The following SRGN variants were observed in gnomAD, a reference collection of about 807,000 sequenced individuals.
SRGN encodes the protein serglycin.
A neutral mutation model predicts 9.5 loss-of-function variants in SRGN; 2 were observed. That is an observed-to-expected ratio of 0.21 (90% CI 0.09 to 0.66). SRGN has a LOEUF of 0.66. Ranked by LOEUF, SRGN falls within the 30% of genes least tolerant of loss-of-function variation. The probability of loss-of-function intolerance (pLI) is 0.83; values close to 1 mark genes in which losing one functional copy is unlikely to be tolerated. For synonymous variants in SRGN, 59 were observed against 72.3 expected (o/e 0.82, Z 0.93); for missense variants, 170 against 192.4 (o/e 0.88, Z 0.69).
At chr10:69,098,935 C>T (rs1345792403) in intron 2 of SRGN, 2 of 150,848 alleles carry the variant, frequency 1.3e-5, no homozygotes, top group African/African-American at 4.9e-5. Flanking sequence ...CCAGCCTAGG[C>T]AACAGAGTAA....
At chr10:69,091,915 G>GAAAAGA (rs1840070099) in intron 1 of SRGN, among the ~76,000 whole-genome samples, 1 of 73,700 alleles carries the variant, frequency 1.4e-5, no homozygotes, top group Non-Finnish European at 2.7e-5. Context: ...AAAAGAAAAA[G>GAAAAGA]AAAAGAAAAG....
chr10:69,103,313 G>GGCTGAA (rs1393962151), intron 2 of SRGN, among the ~76,000 whole-genome samples: 1 of 151,542 alleles, frequency 6.6e-6, no homozygotes, highest in Non-Finnish European at 1.5e-5. Flanking sequence ...CACTTTGGGA[G>GGCTGAA]GTGGGTGGTT....
chr10:69,095,389 T>C (rs889094655), intron 1 of SRGN, among the ~76,000 whole-genome samples: 3 of 152,134 alleles, frequency 2.0e-5, no homozygotes, highest in African/African-American at 7.2e-5. Flanking sequence ...ATCTGAATGT[T>C]TTCCATTATT....
At position 69,091,879 on chromosome 10, in the gene SRGN, C is replaced by CAAAAAAAAAAAAAAAAAAAAAAAAAAAA. The variant is rs1177012248; in HGVS notation, c.79+3645_79+3672dup. On this transcript the variant is annotated intron_variant, in intron 1 of 2. Transcript: ENST00000242465. Reference sequence around the variant, plus strand: ...TGGGCGATAGACTGAGACTCTGTCTCAAAAAAAAAAAAAAAAAAAAAAAAA... The same window carrying CAAAAAAAAAAAAAAAAAAAAAAAAAAAA: ...TGGGCGATAGACTGAGACTCTGTCTCAAAAAAAAAAAAAAAAAAAAAAAAAAAAAAAAAAAAAAAAAAAAAAAAAAAAA... Among the ~76,000 whole-genome samples the CAAAAAAAAAAAAAAAAAAAAAAAAAAAA allele has an allele frequency of 8.8e-4, 28 of 31,758 alleles. 1 individual carries two copies. Among genetic ancestry groups the CAAAAAAAAAAAAAAAAAAAAAAAAAAAA allele is most frequent in the South Asian group, 5.4e-3 (3 of 554 alleles). 20.8% of individuals were successfully genotyped at this position (31,758 alleles called of 152,430 possible). A position where few individuals can be genotyped will look rare whatever the true frequency, so the allele number is the denominator to read the frequency against.
rs1186201501 is a variant in SRGN, at chr10:69,103,857, C to T, written c.228-14C>T. 1.2e-6 allele frequency: 2 copies of T among 1,606,096 alleles called. No homozygotes were observed. Among genetic ancestry groups the T allele is most frequent in the Non-Finnish European group, 1.7e-6 (2 of 1,175,620 alleles). On this transcript the variant is annotated splice_polypyrimidine_tract_variant and intron_variant, in intron 2 of 2. Transcript: ENST00000242465. ...CTCCACTGGTTTTTTTCCCATTTTT[C>T]TTTCATACTTCAGAAAGACGAGAAT...
chr10:69,104,220 T>C lies in SRGN; in HGVS notation c.*100T>C. 1 of 1,441,976 alleles carries C rather than the reference T, an allele frequency of 6.9e-7. No individual in the cohort carries two copies. Among genetic ancestry groups the C allele is most frequent in the East Asian group, 2.3e-5 (1 of 42,944 alleles). 89.3% of individuals were successfully genotyped at this position (1,441,976 alleles called of 1,614,324 possible). A position where few individuals can be genotyped will look rare whatever the true frequency, so the allele number is the denominator to read the frequency against. On this transcript the variant is annotated 3_prime_UTR_variant, in exon 3 of 3. Transcript: ENST00000242465. ...TGGGACAAAGAATTTTATAGAAATT[T>C]TTAAACATCTGAAAAAGAAGCTTAA...
At chr10:69,103,181 C>A (rs1327794651) in intron 2 of SRGN, among the ~76,000 whole-genome samples, 3 of 152,028 alleles carry the variant, frequency 2.0e-5, no homozygotes, top group Non-Finnish European at 4.4e-5. Flanking sequence ...CTCAAGTGAT[C>A]ACCCACCTTG....
intron 1 of SRGN, 100 bp downstream of exon 1, chr10:69,088,336 G>A (rs1305192940): frequency 1.9e-6 from 2 of 1,044,778 alleles, no homozygotes; most frequent in Middle Eastern, 2.1e-4. Flanking sequence ...GTATAATATT[G>A]TGAGAAAGGA....
intron 2 of SRGN, among the ~76,000 whole-genome samples, 196 bp downstream of exon 2, chr10:69,097,427 A>AATTT (rs1840198778): frequency 1.8e-5 from 2 of 111,412 alleles, no homozygotes; most frequent in Non-Finnish European, 3.6e-5. Context: ...TGCCCAGCTA[A>AATTT]TTTTTTTTTT....
In SRGN at chr10:69,104,177, T is replaced by A; in HGVS notation, c.*57T>A. The A allele has an allele frequency of 1.3e-6, 2 of 1,557,920 alleles. No homozygotes were observed. Among genetic ancestry groups the A allele is most frequent in the Non-Finnish European group, 1.7e-6 (2 of 1,148,878 alleles). ...TGTAGTTAGCATATTTTATGTACCA[T>A]GGTTATATGATTAATCTTGGGACAA... On this transcript the variant is annotated 3_prime_UTR_variant, in exon 3 of 3. Transcript: ENST00000242465.
upstream of SRGN, among the ~76,000 whole-genome samples, chr10:69,087,809 G>A (rs1319020101): frequency 6.6e-6 from 1 of 151,860 alleles, no homozygotes; most frequent in African/African-American, 2.4e-5. Context: ...ATTGTTACCT[G>A]AAGAAAGGAA....
chr10:69,098,345 T>C (rs1300550576), intron 2 of SRGN, among the ~76,000 whole-genome samples: 1 of 152,242 alleles, frequency 6.6e-6, no homozygotes, highest in Non-Finnish European at 1.5e-5. Flanking sequence ...TATTGTATGA[T>C]TCCATTTAGA....
chr10:69,099,178 G>T (rs1009099980), intron 2 of SRGN, among the ~76,000 whole-genome samples: 1 of 152,016 alleles, frequency 6.6e-6, no homozygotes, highest in Non-Finnish European at 1.5e-5. Context: ...ATTAAGAAAA[G>T]GATTATCATA....
At chr10:69,095,486 T>C (rs1840156610) in intron 1 of SRGN, among the ~76,000 whole-genome samples, 1 of 152,148 alleles carries the variant, frequency 6.6e-6, no homozygotes, top group African/African-American at 2.4e-5. Flanking sequence ...GTTGCACTCA[T>C]TAGAATAAAG....
intron 1 of SRGN, among the ~76,000 whole-genome samples, chr10:69,091,910 A>AAAAAG (rs1333476611): frequency 2.5e-5 from 2 of 79,320 alleles, no homozygotes; most frequent in Non-Finnish European, 6.7e-5. Flanking sequence ...AAAAAAAAAG[A>AAAAAG]AAAAGAAAAG....
chr10:69,103,939 G>A lies in SRGN; in HGVS notation c.296G>A (p.Gly99Asp), dbSNP rs767970197. The A allele has an allele frequency of 6.2e-7, 1 of 1,614,124 alleles. No individual in the cohort carries two copies. Among genetic ancestry groups the A allele is most frequent in the East Asian group, 2.2e-5 (1 of 44,880 alleles). Reference protein sequence around the residue: ...LSEDYSGSGFGSGSGSGSGSG... With the variant: ...LSEDYSGSGFDSGSGSGSGSG... ...GAGGACTACTCTGGATCAGGCTTCG[G>A]CTCCGGCTCCGGCTCTGGATCAGGA... Residue 99 changes from glycine to aspartate, a missense_variant, in exon 3 of 3, where the codon GGC (glycine) becomes GAC (aspartate). Coordinates refer to ENST00000242465, the MANE Select transcript of SRGN (RefSeq NM_002727.4).
intron 1 of SRGN, among the ~76,000 whole-genome samples, chr10:69,090,281 A>T (rs1395570935): frequency 6.6e-6 from 1 of 152,242 alleles, no homozygotes; most frequent in African/African-American, 2.4e-5. Context: ...AAAAGTGTTT[A>T]TCTAGCCCGT....
At chr10:69,100,929 C>T (rs1318630327) in intron 2 of SRGN, among the ~76,000 whole-genome samples, 5 of 152,014 alleles carry the variant, frequency 3.3e-5, no homozygotes, top group Admixed American at 2.0e-4. Context: ...AATAGACAAC[C>T]TCCTTCCACT....
At position 69,089,320 on chromosome 10, in the gene SRGN, T is replaced by C. The variant is rs559802626; in HGVS notation, c.79+1084T>C. Among the ~76,000 whole-genome samples the C allele has an allele frequency of 1.8e-4, 28 of 152,334 alleles. No individual in the cohort carries two copies. The East Asian group carries it at 3.3e-3, about 18-fold the overall frequency. On this transcript the variant is annotated intron_variant, in intron 1 of 2. Transcript: ENST00000242465. ...TTATGTATTTTTAAAATATAAAACA[T>C]TGTCAATTGTAGGGAACAGGCTTCA...
Sources: allele counts gnomAD v4.1 joint callset (sites outside exome capture counted in the v4.1 genomes callset), GRCh38; gene constraint gnomAD v4.1.1; transcripts MANE v1.5; gene names NCBI Gene and HGNC (gene_info 2026-07-23, HGNC 2026-07-21).